The following KLHL1 variants were observed in gnomAD, a reference collection of about 807,000 sequenced individuals.
KLHL1 encodes the protein kelch-like protein 1.
A neutral mutation model predicts 77.7 loss-of-function variants in KLHL1; 47 were observed. The observed-to-expected ratio is 0.60, with a 90% CI of 0.48 to 0.77. KLHL1 has a LOEUF of 0.77. Among genes scored for constraint, KLHL1 ranks in the 30% least tolerant of loss-of-function variants. The pLI is 0.00. For synonymous variants in KLHL1, 360 were observed against 325.2 expected, an observed-to-expected ratio of 1.11 and a Z score of -1.15; for missense variants, 925 against 910.8, an observed-to-expected ratio of 1.02 and a Z score of -0.20.
chr13:69,719,310 C>T, intron 9 of KLHL1, 59 bp downstream of exon 9: 1 of 1,417,320 alleles, frequency 7.1e-7, no homozygotes. Flanking sequence ...TCACTTGAAT[C>T]AGGCATCAAT....
intron 3 of KLHL1, among the ~76,000 whole-genome samples, chr13:69,952,940 TAACAAA>T (rs1883757290): frequency 6.6e-6 from 1 of 151,350 alleles, no homozygotes; most frequent in Non-Finnish European, 1.5e-5. Flanking sequence ...TGGAAGATAT[TAACAAA>T]TAGTCAAAAC....
chr13:69,914,104 G>T (rs778057598), intron 4 of KLHL1, among the ~76,000 whole-genome samples: 4 of 152,106 alleles, frequency 2.6e-5, no homozygotes, highest in Non-Finnish European at 5.9e-5. Flanking sequence ...TCAGCTTTGG[G>T]ACTCGGACTG....
intron 5 of KLHL1, among the ~76,000 whole-genome samples, chr13:69,853,181 T>C (rs1200872109): frequency 6.6e-6 from 1 of 151,976 alleles, no homozygotes; most frequent in Non-Finnish European, 1.5e-5. Context: ...CCAAATTTCA[T>C]CTTGAATTGT....
intron 5 of KLHL1, among the ~76,000 whole-genome samples, chr13:69,871,234 G>C (rs1183862085): frequency 6.6e-6 from 1 of 152,084 alleles, no homozygotes; most frequent in Non-Finnish European, 1.5e-5. Flanking sequence ...ACCACAGCTG[G>C]AGCAGCCTGG....
intron 7 of KLHL1, among the ~76,000 whole-genome samples, chr13:69,784,879 T>C (rs1240079542): frequency 1.4e-5 from 2 of 137,944 alleles, no homozygotes; most frequent in African/African-American, 2.7e-5. Context: ...CAACAGAATA[T>C]ACATTTTTTT....
At chr13:69,825,145 C>A (rs1878494661) in intron 6 of KLHL1, among the ~76,000 whole-genome samples, 1 of 151,934 alleles carries the variant, frequency 6.6e-6, no homozygotes, top group African/African-American at 2.4e-5. Flanking sequence ...TTTAAAAATT[C>A]TATAATAATA....
chr13:69,701,834 T>G, intron 10 of KLHL1, 73 bp from the exon 11 acceptor site: 1 of 1,071,022 alleles, frequency 9.3e-7, no homozygotes, highest in Non-Finnish European at 1.4e-6. Flanking sequence ...TTTAAAAGAT[T>G]ATCTACATGA....
In KLHL1 at chr13:69,857,614, C is replaced by T. The variant is rs80302323; in HGVS notation, c.1228-18452G>A. Reference sequence around the variant, plus strand: ...AGTTTCCTATTCATTTGTATATGCTCAGTCAGAAAGGAATATTGGGCACTT... The same window carrying T: ...AGTTTCCTATTCATTTGTATATGCTTAGTCAGAAAGGAATATTGGGCACTT... On this transcript the variant is annotated intron_variant, in intron 5 of 10. Coordinates refer to ENST00000377844, the MANE Select transcript of KLHL1 (RefSeq NM_020866.3). Among the ~76,000 whole-genome samples the T allele has an allele frequency of 8.0e-4, 122 of 152,096 alleles. 1 individual carries two copies. The East Asian group carries it at 0.021, about 26-fold the overall frequency.
At chr13:70,020,076 T>A (rs917768447) in intron 1 of KLHL1, among the ~76,000 whole-genome samples, 2 of 152,258 alleles carry the variant, frequency 1.3e-5, no homozygotes, top group East Asian at 3.9e-4. Context: ...GATCTTGGAC[T>A]TCACAGCCTT....
intron 1 of KLHL1, among the ~76,000 whole-genome samples, chr13:70,056,996 TCAAA>T (rs902446586): frequency 3.9e-5 from 3 of 77,408 alleles, no homozygotes; most frequent in African/African-American, 2.2e-4. Flanking sequence ...AACAAAAATA[TCAAA>T]AAAAAAATTG....
intron 1 of KLHL1, among the ~76,000 whole-genome samples, chr13:70,019,972 T>A (rs1469471836): frequency 6.6e-6 from 1 of 152,170 alleles, no homozygotes; most frequent in Non-Finnish European, 1.5e-5. Context: ...TTCTGCCTTT[T>A]GAAAACAGAG....
chr13:69,739,431 T>C (rs1412240135), intron 8 of KLHL1, among the ~76,000 whole-genome samples: 1 of 152,172 alleles, frequency 6.6e-6, no homozygotes, highest in East Asian at 1.9e-4. Flanking sequence ...ATGGGCTAAA[T>C]GCCCCAATTA....
At chr13:69,952,020 C>T (rs1216979401) in intron 3 of KLHL1, among the ~76,000 whole-genome samples, 1 of 151,346 alleles carries the variant, frequency 6.6e-6, no homozygotes, top group African/African-American at 2.4e-5. Flanking sequence ...TTGGATAGTG[C>T]ACTTTGAAGC....
intron 2 of KLHL1, among the ~76,000 whole-genome samples, chr13:69,964,798 T>G (rs1050233910): frequency 6.6e-6 from 1 of 152,332 alleles, no homozygotes; most frequent in South Asian, 2.1e-4. Flanking sequence ...TATTTTGAAT[T>G]ATTTATGATA....
At chr13:69,920,599 G>A (rs1013197418) in intron 4 of KLHL1, among the ~76,000 whole-genome samples, 1 of 151,976 alleles carries the variant, frequency 6.6e-6, no homozygotes, top group Non-Finnish European at 1.5e-5. Context: ...ATTTATGTTT[G>A]TTTTCACATG....
chr13:69,966,613 CCTTTTT>C (rs1338004847), intron 2 of KLHL1, among the ~76,000 whole-genome samples: 1 of 151,940 alleles, frequency 6.6e-6, no homozygotes, highest in African/African-American at 2.4e-5. Flanking sequence ...TTTCTTTTTT[CCTTTTT>C]ATTTGTACAG....
chr13:70,016,191 G>A (rs1429418735), intron 1 of KLHL1, among the ~76,000 whole-genome samples: 1 of 152,210 alleles, frequency 6.6e-6, no homozygotes, highest in Admixed American at 6.5e-5. Flanking sequence ...ATCTCCAATA[G>A]TTCTCCAATT....
At chr13:69,849,986 A>G (rs1187275761) in intron 5 of KLHL1, among the ~76,000 whole-genome samples, 1 of 151,600 alleles carries the variant, frequency 6.6e-6, no homozygotes, top group African/African-American at 2.4e-5. Flanking sequence ...TCTTTGCTAA[A>G]CAATCAACCA....
At chr13:69,809,674 G>C (rs1877778708) in intron 6 of KLHL1, among the ~76,000 whole-genome samples, 2 of 151,878 alleles carry the variant, frequency 1.3e-5, no homozygotes, top group Non-Finnish European at 1.5e-5. Flanking sequence ...CAACATGACA[G>C]GGATAAAATC....
Sources: allele counts gnomAD v4.1 joint callset (sites outside exome capture counted in the v4.1 genomes callset), GRCh38; gene constraint gnomAD v4.1.1; transcripts MANE v1.5; gene names NCBI Gene and HGNC (gene_info 2026-07-23, HGNC 2026-07-21).